CYP3A7: variants seen among roughly 807,000 people sequenced by gnomAD.
The protein encoded by CYP3A7 is cytochrome P450 family 3 subfamily A member 7, also known as cytochrome P450 3A7.
A neutral mutation model predicts 55.2 loss-of-function variants in CYP3A7; 45 were observed. The observed-to-expected ratio is 0.82, with a 90% confidence interval of 0.64 to 1.05. The LOEUF is 1.05. Among genes scored for constraint, CYP3A7 ranks in the 50% least tolerant of loss-of-function variants. CYP3A7 has a pLI of 0.00. For synonymous variants in CYP3A7, 180 were observed against 207.4 expected, an observed-to-expected ratio of 0.87 and a Z score of 1.13; for missense variants, 548 against 605.3, an observed-to-expected ratio of 0.91 and a Z score of 0.99.
rs187532541 is a variant in CYP3A7, at chr7:99,726,410, G to A, written c.166-4062C>T. On this transcript the variant is annotated intron_variant, in intron 2 of 12. Transcript: ENST00000336374. Reference sequence around the variant, plus strand: ...TCTTACAGGTTTGTTCAGGATCTGCGCCTTATCAACAAAATTGTTTTCCTA... The same window carrying A: ...TCTTACAGGTTTGTTCAGGATCTGCACCTTATCAACAAAATTGTTTTCCTA... Among the ~76,000 whole-genome samples, 73 of 152,236 alleles carry A rather than the reference G, an allele frequency of 4.8e-4. 1 individual carries two copies. Among genetic ancestry groups the A allele is most frequent in the African/African-American group, 1.4e-3 (57 of 41,526 alleles).
At chr7:99,713,108 A>T (rs1813817585) in intron 9 of CYP3A7, among the ~76,000 whole-genome samples, 1 of 152,200 alleles carries the variant, frequency 6.6e-6, no homozygotes, top group African/African-American at 2.4e-5. Context: ...ATTGAAAGCA[A>T]TCACAAAAAT....
chr7:99,708,912 A>G (rs1194519036), intron 11 of CYP3A7, 123 bp downstream of exon 11: 3 of 1,176,878 alleles, frequency 2.5e-6, no homozygotes, highest in Non-Finnish European at 2.5e-6. Context: ...ATGATTTGAA[A>G]AAACCTTTTA....
intron 2 of CYP3A7, among the ~76,000 whole-genome samples, chr7:99,723,719 G>A (rs990858259): frequency 2.0e-5 from 3 of 152,080 alleles, no homozygotes; most frequent in East Asian, 1.9e-4. Flanking sequence ...TCGGGTAAGC[G>A]GCCTCTTTTT....
intron 8 of CYP3A7, 41 bp downstream of exon 8, chr7:99,714,514 T>A (rs752640177): frequency 2.5e-6 from 4 of 1,607,944 alleles, no homozygotes; most frequent in Non-Finnish European, 2.5e-6. Context: ...TAAAAAATTA[T>A]GAAAACTAAA....
intron 9 of CYP3A7, 45 bp downstream of exon 9, chr7:99,713,424 C>T (rs1390165503): frequency 4.3e-6 from 7 of 1,611,080 alleles, no homozygotes; most frequent in African/African-American, 1.3e-5. Context: ...AAAACCTTCC[C>T]TCTGAGTGCC....
chr7:99,734,490 C>T (rs897026954), intron 1 of CYP3A7, among the ~76,000 whole-genome samples: 26 of 152,258 alleles, frequency 1.7e-4, no homozygotes, highest in African/African-American at 6.0e-4. Flanking sequence ...CCCTTCTTTC[C>T]ACTAAAGATG....
In CYP3A7 at chr7:99,705,796, A is replaced by G. The variant is rs144194706; in HGVS notation, c.1417-201T>C. On this transcript the variant is annotated intron_variant, in intron 12 of 12. Coordinates refer to ENST00000336374, the MANE Select transcript of CYP3A7 (RefSeq NM_000765.5). ...ATAGTGAGAACATTCATCATCTATCATTTAACAAAATATTCATGGAGCACC... is the reference window on the plus strand; with the variant it reads ...ATAGTGAGAACATTCATCATCTATCGTTTAACAAAATATTCATGGAGCACC... Among the ~76,000 whole-genome samples, 118 of 152,354 alleles carry G rather than the reference A, an allele frequency of 7.7e-4. No homozygotes were observed. The East Asian group carries it at 0.017, about 22-fold the overall frequency.
rs529752805 is a variant in CYP3A7, at chr7:99,726,747, C to A, written c.165+4312G>T. Among the ~76,000 whole-genome samples the A allele has an allele frequency of 4.6e-5, 7 of 152,302 alleles. No homozygotes were observed. The South Asian group carries it at 1.5e-3, about 32-fold the overall frequency. ...TATTGATGACCTTCTACTCTGTAGTCCCTCCTTTGAGTCTTTTCAACAAGA... is the reference window on the plus strand; with the variant it reads ...TATTGATGACCTTCTACTCTGTAGTACCTCCTTTGAGTCTTTTCAACAAGA... On this transcript the variant is annotated intron_variant, in intron 2 of 12. Transcript: ENST00000336374.
chr7:99,722,387 A>T, intron 2 of CYP3A7, 39 bp from the exon 3 acceptor site: 2 of 1,607,402 alleles, frequency 1.2e-6, no homozygotes, highest in Non-Finnish European at 1.7e-6. Flanking sequence ...TTATTATTTT[A>T]AGTGTACTTA....
At chr7:99,719,486 T>C (rs1242748884) in intron 4 of CYP3A7, among the ~76,000 whole-genome samples, 3 of 152,086 alleles carry the variant, frequency 2.0e-5, no homozygotes, top group African/African-American at 7.2e-5. Flanking sequence ...AAATAGATAG[T>C]AGAGTTACAT....
intron 2 of CYP3A7, among the ~76,000 whole-genome samples, chr7:99,726,841 C>A (rs1207685416): frequency 1.3e-5 from 2 of 152,200 alleles, no homozygotes; most frequent in Non-Finnish European, 2.9e-5. Context: ...GCTCAAATTT[C>A]TTCTCCATCC....
At chr7:99,714,316 A>G (rs1401014368) in intron 8 of CYP3A7, among the ~76,000 whole-genome samples, 1 of 152,202 alleles carries the variant, frequency 6.6e-6, no homozygotes. Context: ...ATGTCATGGC[A>G]TACTAATTCT....
At chr7:99,733,648 A>G (rs1306404542) in intron 1 of CYP3A7, among the ~76,000 whole-genome samples, 1 of 152,174 alleles carries the variant, frequency 6.6e-6, no homozygotes, top group African/African-American at 2.4e-5. Context: ...GGCTTCAAGC[A>G]GATGAGATGC....
intron 2 of CYP3A7, among the ~76,000 whole-genome samples, chr7:99,728,852 T>C (rs967109172): frequency 6.6e-6 from 1 of 152,176 alleles, no homozygotes; most frequent in African/African-American, 2.4e-5. Flanking sequence ...TTCTAATGAC[T>C]TTTCTGCTAG....
At chr7:99,710,223 A>G (rs1164807963) in intron 10 of CYP3A7, among the ~76,000 whole-genome samples, 1 of 152,176 alleles carries the variant, frequency 6.6e-6, no homozygotes, top group Non-Finnish European at 1.5e-5. Flanking sequence ...TTGAAAGGCA[A>G]TATTATAGAG....
At chr7:99,731,696 C>T (rs1257676518) in intron 1 of CYP3A7, among the ~76,000 whole-genome samples, 1 of 152,182 alleles carries the variant, frequency 6.6e-6, no homozygotes, top group Admixed American at 6.5e-5. Flanking sequence ...AGCTCTGACC[C>T]TGTTTTAGGA....
In CYP3A7 at chr7:99,722,316, T is replaced by C; in HGVS notation, c.198A>G (p.Lys66=). ...GYWTFDMECY[K]KYRKVWGIYD... is the part of the protein sequence containing the mutation. ...CTCACCCCCAGACTTTTCTATACTT[T>C]TTATAACATTCCATGTCAAACGTCC... is the stretch of plus-strand genomic sequence containing the variant. The change falls in exon 3 of 13, where the codon AAA becomes AAG. Residue 66 remains lysine (K), a synonymous_variant. Coordinates refer to ENST00000336374, the MANE Select transcript of CYP3A7 (RefSeq NM_000765.5). 1 of 1,613,634 alleles carries C rather than the reference T, an allele frequency of 6.2e-7. No homozygotes were observed. The highest frequency in any genetic ancestry group is 8.5e-7 in the Non-Finnish European group (1 of 1,179,652).
rs1229278274 is a variant in CYP3A7, at chr7:99,717,242, A to G, written c.456T>C (p.Tyr152=). The change falls in exon 6 of 13, where the codon TAT becomes TAC. Residue 152 remains tyrosine (Y), a synonymous_variant. Transcript: ENST00000336374. ...TCAGATTTCTCACCAACACATCTCCATACTGGGCAATGATAGGGACCATCT... is the reference window on the plus strand; with the variant it reads ...TCAGATTTCTCACCAACACATCTCCGTACTGGGCAATGATAGGGACCATCT... ...LKEMVPIIAQ[Y]GDVLVRNLRR... 6.2e-7 allele frequency: 1 copy of G among 1,613,870 alleles called. No homozygotes were observed. The highest frequency in any genetic ancestry group is 8.5e-7 in the Non-Finnish European group (1 of 1,179,818).
At chr7:99,720,189 G>T in intron 4 of CYP3A7, 124 bp downstream of exon 4, 1 of 1,196,948 alleles carries the variant, frequency 8.4e-7, no homozygotes, top group Non-Finnish European at 1.2e-6. Flanking sequence ...GGGATGGGCA[G>T]GATGAAGTGT....
Sources: gnomAD v4.1 joint callset for allele counts (sites outside exome capture counted in the v4.1 genomes callset) on GRCh38, gnomAD v4.1.1 for gene constraint, MANE v1.5 for transcripts, NCBI Gene and HGNC (gene_info 2026-07-23, HGNC 2026-07-21) for gene names.